Variants in TBC1D8 observed in about 807,000 individuals in gnomAD.
The protein encoded by TBC1D8 is TBC1 domain family member 8.
TBC1D8 carries 65 observed loss-of-function variants against 118.8 expected under a neutral mutation model. The ratio of observed to expected loss-of-function variants is 0.55; its 90% confidence interval spans 0.45 to 0.67. The LOEUF (loss-of-function observed/expected upper bound fraction) is 0.67, where lower values mean the gene tolerates loss of function less well. Ranked by LOEUF, TBC1D8 falls within the 30% of genes least tolerant of loss-of-function variation. The pLI, the probability that TBC1D8 is intolerant of heterozygous loss-of-function variation, is 0.00. For synonymous variants in TBC1D8, 566 were observed against 595.8 expected (o/e 0.95, Z 0.73); for missense variants, 1,376 against 1,471.2 (o/e 0.94, Z 1.06).
chr2:101,103,634 C>T (rs1038775790), intron 1 of TBC1D8, among the ~76,000 whole-genome samples: 10 of 151,982 alleles, frequency 6.6e-5, no homozygotes, highest in South Asian at 4.1e-4. Context: ...CCTCATGATC[C>T]GCCCGCCTTG....
chr2:101,094,940 C>A (rs972680029), intron 1 of TBC1D8, among the ~76,000 whole-genome samples: 2 of 152,182 alleles, frequency 1.3e-5, no homozygotes, highest in African/African-American at 2.4e-5. Context: ...CAGCCAAGAT[C>A]AGCTTCCCTG....
chr2:101,099,249 A>C (rs769684044), intron 1 of TBC1D8, among the ~76,000 whole-genome samples: 6 of 152,252 alleles, frequency 3.9e-5, no homozygotes, highest in Non-Finnish European at 8.8e-5. Context: ...CAAATAAACT[A>C]GAAAATCTAG....
chr2:101,137,607 T>C (rs1039819818), intron 1 of TBC1D8, among the ~76,000 whole-genome samples: 1 of 152,238 alleles, frequency 6.6e-6, no homozygotes, highest in Non-Finnish European at 1.5e-5. Flanking sequence ...TTAATCTGTA[T>C]AGTCCTTCTG....
At chr2:101,076,845 T>C (rs989505287) in intron 2 of TBC1D8, among the ~76,000 whole-genome samples, 2 of 152,154 alleles carry the variant, frequency 1.3e-5, no homozygotes, top group Non-Finnish European at 2.9e-5. Context: ...AATGATGTAT[T>C]AGTCTGTTCC....
chr2:101,013,070 ATG>A (rs982387359), intron 17 of TBC1D8, among the ~76,000 whole-genome samples: 25 of 152,310 alleles, frequency 1.6e-4, no homozygotes, highest in African/African-American at 5.8e-4. Context: ...CACCAACAAA[ATG>A]TGATGGGAGC....
At chr2:101,105,607 A>AAAAT (rs766935427) in intron 1 of TBC1D8, among the ~76,000 whole-genome samples, 7 of 72,480 alleles carry the variant, frequency 9.7e-5, no homozygotes, top group Non-Finnish European at 1.2e-4. Flanking sequence ...AAAAAAAAAA[A>AAAAT]ACATATATAT....
chr2:101,108,205 G>A (rs13388167), intron 1 of TBC1D8, among the ~76,000 whole-genome samples: 74,457 of 151,870 alleles, frequency 0.49, 18,411 homozygotes, highest in East Asian at 0.62. Flanking sequence ...CATAAGAAAA[G>A]CATCGGATAA....
At chr2:101,035,763 A>G (rs1680966135) in intron 9 of TBC1D8, among the ~76,000 whole-genome samples, 1 of 152,142 alleles carries the variant, frequency 6.6e-6, no homozygotes, top group African/African-American at 2.4e-5. Flanking sequence ...AGGCATTTTT[A>G]AAAGAGTGGC....
intron 2 of TBC1D8, among the ~76,000 whole-genome samples, chr2:101,084,249 C>T (rs1312143226): frequency 6.6e-6 from 1 of 152,172 alleles, no homozygotes; most frequent in Non-Finnish European, 1.5e-5. Context: ...ACACAAAATG[C>T]ATTAGGAACA....
rs182837427 is a variant in TBC1D8 at position 101,135,001 on chromosome 2, G to A, written c.127+16126C>T. On this transcript the variant is annotated intron_variant, in intron 1 of 19. Coordinates refer to ENST00000409318, the MANE Select transcript of TBC1D8 (RefSeq NM_001330348.2). ...AGCCTGGCCAACATAGTGAAACCCC[G>A]TCTCTACTAAAAATACAATAATTAG... Among the ~76,000 whole-genome samples the A allele has an allele frequency of 1.8e-3, 272 of 152,120 alleles. 3 individuals carry two copies. Among genetic ancestry groups the A allele is most frequent in the East Asian group, 4.3e-3 (22 of 5,158 alleles).
intron 1 of TBC1D8, among the ~76,000 whole-genome samples, chr2:101,148,474 G>C (rs140208243): frequency 1.4e-3 from 207 of 152,282 alleles, no homozygotes; most frequent in African/African-American, 4.8e-3. Context: ...AAGTGAGAAG[G>C]AACTATGGAG....
chr2:101,124,246 A>G (rs1678255931), intron 1 of TBC1D8, among the ~76,000 whole-genome samples: 1 of 152,214 alleles, frequency 6.6e-6, no homozygotes, highest in Non-Finnish European at 1.5e-5. Flanking sequence ...CAGAAAAAGA[A>G]TTCAAACCTT....
intron 1 of TBC1D8, among the ~76,000 whole-genome samples, chr2:101,121,119 T>C (rs191145945): frequency 9.2e-5 from 14 of 152,256 alleles, no homozygotes; most frequent in Non-Finnish European, 1.8e-4. Flanking sequence ...GAAAATATAT[T>C]AAAGTATCTC....
intron 1 of TBC1D8, among the ~76,000 whole-genome samples, chr2:101,100,014 C>A (rs902319576): frequency 6.6e-6 from 1 of 152,006 alleles, no homozygotes; most frequent in Admixed American, 6.6e-5. Context: ...CTGGCCAGGG[C>A]AATCAGACAA....
intron 2 of TBC1D8, among the ~76,000 whole-genome samples, chr2:101,071,276 C>T (rs995807678): frequency 1.3e-5 from 2 of 152,028 alleles, no homozygotes; most frequent in African/African-American, 2.4e-5. Flanking sequence ...ACCCGGGAGG[C>T]GGAGCTTGCA....
At chr2:101,022,871 G>A (rs1680124284) in intron 15 of TBC1D8, among the ~76,000 whole-genome samples, 1 of 152,010 alleles carries the variant, frequency 6.6e-6, no homozygotes, top group Non-Finnish European at 1.5e-5. Flanking sequence ...GGCCAGGCGT[G>A]GTGGCTCACG....
intron 17 of TBC1D8, among the ~76,000 whole-genome samples, chr2:101,017,360 C>A (rs1573870165): frequency 6.6e-6 from 1 of 152,128 alleles, no homozygotes; most frequent in South Asian, 2.1e-4. Flanking sequence ...TTATCATTAC[C>A]CAGTATTAGG....
At chr2:101,074,361 A>G (rs1167233954) in intron 2 of TBC1D8, among the ~76,000 whole-genome samples, 1 of 152,234 alleles carries the variant, frequency 6.6e-6, no homozygotes, top group African/African-American at 2.4e-5. Flanking sequence ...ATCACCATTA[A>G]CAGACATAAT....
intron 1 of TBC1D8, among the ~76,000 whole-genome samples, chr2:101,104,232 T>C (rs921595733): frequency 2.0e-5 from 3 of 152,198 alleles, no homozygotes; most frequent in African/African-American, 7.2e-5. Context: ...TCTAAATAGA[T>C]AGATATTCCA....
Sources: allele counts gnomAD v4.1 joint callset (sites outside exome capture counted in the v4.1 genomes callset), GRCh38; gene constraint gnomAD v4.1.1; transcripts MANE v1.5; gene names NCBI Gene and HGNC (gene_info 2026-07-23, HGNC 2026-07-21).